Variants in MASP2 observed in about 807,000 individuals in gnomAD.
MASP2 encodes MBL associated serine protease 2.
In MASP2, 49 loss-of-function variants were observed where a neutral mutation model predicts 57.1. The observed-to-expected ratio is 0.86, with a 90% CI of 0.68 to 1.09. The LOEUF (loss-of-function observed/expected upper bound fraction) is 1.09, where lower values mean the gene tolerates loss of function less well. MASP2 is among the 50% of genes least tolerant of loss of function. The pLI is 0.00. For missense variants in MASP2, 900 were observed against 874.8 expected, an observed-to-expected ratio of 1.03 and a Z score of -0.36; for synonymous variants, 379 against 340.8, an observed-to-expected ratio of 1.11 and a Z score of -1.24.
At chr1:11,042,816 A>G in intron 6 of MASP2, 59 bp downstream of exon 6, 1 of 1,583,940 alleles carries the variant, frequency 6.3e-7, no homozygotes, top group Non-Finnish European at 8.6e-7. Flanking sequence ...GCTCCTTGAC[A>G]CTCCAGGAGA....
chr1:11,043,000 T>A lies in MASP2; in HGVS notation c.764A>T (p.His255Leu). Residue 255 changes from histidine (H) to leucine (L), a missense_variant, in exon 6 of 11, where the codon CAT becomes CTT. Coordinates refer to ENST00000400897, the MANE Select transcript of MASP2 (RefSeq NM_006610.4). ...CAATGTCTTCCCACAGAATGGGCCA[T>A]GTTCTTCTCTGTCTGTTTGAATCTG... ...FLKIQTDREE[H>L]GPFCGKTLPH... is the part of the protein sequence containing the mutation. 6.2e-7 allele frequency: 1 copy of A among 1,613,940 alleles called. No homozygotes were observed. The highest frequency in any genetic ancestry group is 1.1e-5 in the South Asian group (1 of 91,082).
At chr1:11,036,523 A>C (rs1570744869) in intron 7 of MASP2, among the ~76,000 whole-genome samples, 7 of 130,854 alleles carry the variant, frequency 5.3e-5, no homozygotes, top group Non-Finnish European at 7.5e-5. Context: ...AAAAAAAAAA[A>C]AAAAAAAAAA....
rs1450278220 is a variant in MASP2, at chr1:11,027,468, GATGCATC to G, written c.1471_1477del (p.Asp491ProfsTer10). The G allele has an allele frequency of 6.2e-7, 1 of 1,613,994 alleles. No individual in the cohort carries two copies. Among genetic ancestry groups the G allele is most frequent in the African/African-American group, 1.3e-5 (1 of 74,908 alleles). ...GGTGCCCATTCGAATGTCCAGGGCG[GATGCATC>G]ATGTTTTTGCTCATAGACGGCATGA... On this transcript the variant is annotated frameshift_variant, in exon 11 of 11. Transcript: ENST00000400897. LOFTEE classifies it low-confidence loss of function (END_TRUNC).
intron 4 of MASP2, chr1:11,045,182 T>C (rs1248242509): frequency 1.2e-5 from 9 of 768,482 alleles, no homozygotes; most frequent in East Asian, 2.7e-5. Context: ...AGGTACACAG[T>C]GGGATGTTAG....
Position 11,030,773 on chromosome 1 carries a change from G to C in MASP2, c.1197C>G (p.Thr399=). The change falls in exon 9 of 11, where the codon ACC becomes ACG. Residue 399 remains threonine, a synonymous_variant. Transcript: ENST00000400897. ...CATCATTCACTTTCATTGTGTAGAA[G>C]GTCTCTTCACAGCTGTACTGAATCA... ...KAVIQYSCEE[T]FYTMKVNDGK... The C allele has an allele frequency of 2.5e-6, 4 of 1,611,644 alleles. No homozygotes were observed. The highest frequency in any genetic ancestry group is 3.4e-6 in the Non-Finnish European group (4 of 1,179,442).
Position 11,046,686 on chromosome 1 carries a change from G to A in MASP2, c.282C>T (p.Ser94=), listed in dbSNP as rs1467635187. 1 of 1,613,496 alleles carries A rather than the reference G, an allele frequency of 6.2e-7. No homozygotes were observed. ...KVLATLCGQE[S]TDTERAPGKD... ...TGCCAGGGGCCCGCTCCGTGTCTGT[G>A]CTCTCCTGCCCGCACAGCGTGGCCA... The change falls in exon 3 of 11, where the codon AGC becomes AGT. Residue 94 remains serine, a synonymous_variant. Transcript: ENST00000400897.
intron 8 of MASP2, among the ~76,000 whole-genome samples, chr1:11,034,279 A>C (rs1643873026): frequency 6.7e-6 from 1 of 149,114 alleles, no homozygotes; most frequent in Non-Finnish European, 1.5e-5. Flanking sequence ...CAAAGAACAT[A>C]TTTTTCTAAA....
In MASP2 at chr1:11,047,217, G is replaced by A. The variant is rs778468343; in HGVS notation, c.-10C>T. ...CGCCCACCTACCTCATGGTGTGCCC[G>A]TCCAGCTGGCCTGGCCTGGTCTGCA... On this transcript the variant is annotated 5_prime_UTR_variant, in exon 1 of 11. It adds an upstream start codon to the 5' untranslated region. Transcript: ENST00000400897. 1.5e-5 allele frequency: 24 copies of A among 1,560,408 alleles called. No homozygotes were observed. Among genetic ancestry groups the A allele is most frequent in the South Asian group, 1.3e-4 (11 of 85,118 alleles).
intron 9 of MASP2, 33 bp from the exon 10 acceptor site, chr1:11,030,283 C>A (rs775535532): frequency 6.8e-7 from 1 of 1,471,778 alleles, no homozygotes; most frequent in South Asian, 1.1e-5. Flanking sequence ...AAATGTTTAA[C>A]TGCATGTATA....
Position 11,045,491 on chromosome 1 carries a change from T to C in MASP2, c.461A>G (p.His154Arg). Residue 154 changes from histidine (H) to arginine (R), a missense_variant, in exon 4 of 11, where the codon CAC (histidine) becomes CGC (arginine). By Grantham distance (29) the His-to-Arg change is conservative. Coordinates refer to ENST00000400897, the MANE Select transcript of MASP2 (RefSeq NM_006610.4). ...VAPGEAPTCD[H>R]HCHNHLGGFY... ...ACCGCCCAGGTGGTTGTGGCAGTGG[T>C]GGTCGCAGGTGGGCGCCTCTCCCGG... 1.2e-6 allele frequency: 2 copies of C among 1,609,414 alleles called. No homozygotes were observed. Among genetic ancestry groups the C allele is most frequent in the Non-Finnish European group, 1.7e-6 (2 of 1,178,700 alleles).
intron 7 of MASP2, among the ~76,000 whole-genome samples, chr1:11,035,601 A>T (rs963188923): frequency 1.3e-5 from 2 of 151,614 alleles, no homozygotes; most frequent in Non-Finnish European, 2.9e-5. Flanking sequence ...TTCTTTATAT[A>T]AAGTGACAGA....
chr1:11,045,627 G>T lies in MASP2; in HGVS notation c.413-88C>A. ...TCCTCCCAGGAGATCCATGACCTCA[G>T]AGTGGACCTCAGAGGAGGCCTCGTC... On this transcript the variant is annotated intron_variant, in intron 3 of 10. Transcript: ENST00000400897. 4.9e-6 allele frequency: 7 copies of T among 1,438,018 alleles called. No homozygotes were observed. In the South Asian group the frequency reaches 7.9e-5, roughly 16 times the overall value. 89.1% of individuals were successfully genotyped at this position (1,438,018 alleles called of 1,614,324 possible).
chr1:11,035,050 G>C (rs925188662), intron 7 of MASP2, 144 bp from the exon 8 acceptor site: 1 of 573,616 alleles, frequency 1.7e-6, no homozygotes. Flanking sequence ...TAGTATCTGC[G>C]TGTGCTGGGG....
At chr1:11,045,581 G>A in intron 3 of MASP2, 42 bp from the exon 4 acceptor site, 2 of 1,571,630 alleles carry the variant, frequency 1.3e-6, no homozygotes, top group South Asian at 1.1e-5. Flanking sequence ...AGGAGGGAAA[G>A]AGGCGGGATC....
intron 1 of MASP2, 28 bp from the exon 2 acceptor site, chr1:11,047,147 C>T (rs1354677958): frequency 3.9e-6 from 6 of 1,550,268 alleles, no homozygotes; most frequent in South Asian, 3.6e-5. Context: ...GCGGTGAGGG[C>T]CCAGGCCTGT....
rs1557664236 is a variant in MASP2 at position 11,027,185 on chromosome 1, ATACAT to A, written c.1756_1760del (p.Met586CysfsTer7). The A allele has an allele frequency of 6.2e-7, 1 of 1,614,208 alleles. No homozygotes were observed. The highest frequency in any genetic ancestry group is 1.1e-5 in the South Asian group (1 of 91,084). Reference sequence around the variant, plus strand: ...GATGGTCAACAATCGGTATGTCGACATACATTAGATTTCTAGCAAGAAAACCCCTT... The same window carrying A: ...GATGGTCAACAATCGGTATGTCGACATAGATTTCTAGCAAGAAAACCCCTT... On this transcript the variant is annotated frameshift_variant, in exon 11 of 11. Transcript: ENST00000400897. LOFTEE classifies it high-confidence loss of function.
At position 11,043,406 on chromosome 1, in the gene MASP2, A is replaced by G; in HGVS notation, c.674T>C (p.Leu225Pro). ...ISLEEGFSVI[L>P]DFVESFDVET... The stretch of plus-strand genomic sequence containing the variant: ...CACATCGAAGGACTCCACAAAGTCC[A>G]GAATGACACTGAACCCCTCCTCCAG... Residue 225 changes from leucine to proline, a missense_variant, in exon 5 of 11, where the codon CTG becomes CCG. Transcript: ENST00000400897. 1 of 1,610,950 alleles carries G rather than the reference A, an allele frequency of 6.2e-7. No individual in the cohort carries two copies. Among genetic ancestry groups the G allele is most frequent in the Middle Eastern group, 1.7e-4 (1 of 6,054 alleles).
chr1:11,028,712 T>TG (rs1557665517), intron 10 of MASP2, among the ~76,000 whole-genome samples: 4 of 129,224 alleles, frequency 3.1e-5, no homozygotes, highest in African/African-American at 1.2e-4. Context: ...TTTTCTTTTT[T>TG]TTTTTTTTTT....
chr1:11,044,774 A>ACCCCC, intron 4 of MASP2: 1 of 1,124,436 alleles, frequency 8.9e-7, no homozygotes. Context: ...CGACCCTCCC[A>ACCCCC]CCCCAGAGAC....
Sources: allele counts gnomAD v4.1 joint callset (sites outside exome capture counted in the v4.1 genomes callset), GRCh38; gene constraint gnomAD v4.1.1; transcripts MANE v1.5; gene names NCBI Gene and HGNC (gene_info 2026-07-23, HGNC 2026-07-21).